The following KLK5 variants were observed in gnomAD, a reference collection of about 807,000 sequenced individuals.
The protein encoded by KLK5 is kallikrein-5.
KLK5 carries 18 observed loss-of-function variants against 24.0 expected under a neutral mutation model. The ratio of observed to expected loss-of-function variants is 0.75; its 90% CI spans 0.52 to 1.11. KLK5 has a LOEUF of 1.11. KLK5 is among the 50% of genes most tolerant of loss of function. The probability of loss-of-function intolerance (pLI) is 0.00; values close to 1 mark genes in which losing one functional copy is unlikely to be tolerated. For synonymous variants in KLK5, 140 were observed against 154.0 expected, an observed-to-expected ratio of 0.91 and a Z score of 0.67; for missense variants, 374 against 379.2, an observed-to-expected ratio of 0.99 and a Z score of 0.11.
chr19:50,945,269 C>T (rs1046047990), intron 5 of KLK5, among the ~76,000 whole-genome samples: 4 of 78,346 alleles, frequency 5.1e-5, no homozygotes, highest in East Asian at 1.1e-3. Context: ...CCACCACACC[C>T]GGCTAATTTT....
intron 2 of KLK5, among the ~76,000 whole-genome samples, chr19:50,951,098 C>T (rs1430231407): frequency 6.6e-6 from 1 of 151,912 alleles, no homozygotes; most frequent in Non-Finnish European, 1.5e-5. Context: ...AAGGGCTCAG[C>T]TTAGGGGGCC....
At position 50,952,479 on chromosome 19, in the gene KLK5, C is replaced by T. The variant is rs2090696005; in HGVS notation, c.73+106G>A. Reference sequence around the variant, plus strand: ...ACAGAGACTCACATTCACCCGGTCCCGGAGTCATGCCCAGGCTCACACAGT... The same window carrying T: ...ACAGAGACTCACATTCACCCGGTCCTGGAGTCATGCCCAGGCTCACACAGT... On this transcript the variant is annotated intron_variant, in intron 2 of 5. Coordinates refer to ENST00000336334, the MANE Select transcript of KLK5 (RefSeq NM_012427.5). 1.1e-5 allele frequency: 8 copies of T among 738,884 alleles called. No homozygotes were observed. The South Asian group carries it at 1.1e-4, about 10-fold the overall frequency. The allele number at this position is 738,884 out of a possible 1,614,324, so 45.8% of individuals were successfully genotyped here. A position where few individuals can be genotyped will look rare whatever the true frequency, so the allele number is the denominator to read the frequency against.
rs1459497122 is a variant in KLK5, at chr19:50,947,339, T to C, written c.726+1301A>G. Among the ~76,000 whole-genome samples the C allele has an allele frequency of 1.3e-5, 2 of 152,182 alleles. No homozygotes were observed. The highest frequency in any genetic ancestry group is 2.9e-5 in the Non-Finnish European group (2 of 68,032). ...TCTTTGAATCAGCCAAATTCCTTAC[T>C]GCCTCAGGGCCTTTGCACGTGCCTT... On this transcript the variant is annotated intron_variant, in intron 5 of 5. Transcript: ENST00000336334. The surrounding 1 kb of genome is among the most constrained non-coding windows in gnomAD (Gnocchi z 8.7).
rs758026818 is a variant in KLK5 at position 50,950,056 on chromosome 19, C to G, written c.134G>C (p.Gly45Ala). The part of the protein sequence containing the change: ...CDHPSNTVPS[G>A]SNQDLGAGAG... The stretch of plus-strand genomic sequence containing the variant: ...CCCAGCTCCCAGGTCCTGGTTGCTC[C>G]CAGAGGGCACGGTGTTAGAGGGGTG... Residue 45 changes from glycine (G) to alanine (A), a missense_variant, in exon 3 of 6, where the codon GGG (glycine) becomes GCG (alanine). By Grantham distance (60) the Gly-to-Ala change is moderately conservative. Transcript: ENST00000336334. 6.2e-7 allele frequency: 1 copy of G among 1,613,720 alleles called. No homozygotes were observed. Among genetic ancestry groups the G allele is most frequent in the Non-Finnish European group, 8.5e-7 (1 of 1,179,928 alleles).
At chr19:50,949,145 C>A (rs754012980) in intron 3 of KLK5, 30 bp from the exon 4 acceptor site, 1 of 1,600,826 alleles carries the variant, frequency 6.2e-7, no homozygotes, top group African/African-American at 1.3e-5. Flanking sequence ...TCACCACCAA[C>A]CCTGATCTCT....
At chr19:50,944,824 A>T (rs935559929) in intron 5 of KLK5, among the ~76,000 whole-genome samples, 3 of 152,054 alleles carry the variant, frequency 2.0e-5, no homozygotes, top group Non-Finnish European at 4.4e-5. Context: ...CCCAATAGAA[A>T]TCCATTCGCT....
rs1224874231 is a variant in KLK5 at position 50,948,748 on chromosome 19, G to A, written c.618C>T (p.Cys206=). ...PQVHFPKVLQ[C]LNISVLSQKR... is the part of the protein sequence containing the mutation. ...TCTGACTTAGCACGCTGATATTCAA[G>A]CACTGGAGGACCTTAGGGAAGTGCA... Residue 206 remains cysteine (C), a synonymous_variant, in exon 5 of 6, where the codon TGC becomes TGT. Transcript: ENST00000336334. 6.2e-7 allele frequency: 1 copy of A among 1,614,132 alleles called. No individual in the cohort carries two copies. The highest frequency in any genetic ancestry group is 1.3e-5 in the African/African-American group (1 of 75,036).
chr19:50,945,889 G>T (rs957277805), intron 5 of KLK5, among the ~76,000 whole-genome samples: 2 of 152,118 alleles, frequency 1.3e-5, no homozygotes, highest in Non-Finnish European at 2.9e-5. Context: ...AAAACAATTA[G>T]TATTTTTATT....
intron 5 of KLK5, among the ~76,000 whole-genome samples, chr19:50,946,300 G>A (rs1356570352): frequency 2.6e-5 from 4 of 152,196 alleles, no homozygotes; most frequent in Non-Finnish European, 4.4e-5. Flanking sequence ...GAGTTAATGA[G>A]CTGAGGCATG....
rs867447165 is a variant in KLK5 at position 50,948,687 on chromosome 19, CATCT to C, written c.675_678del (p.Ile225MetfsTer87). 2 of 1,614,172 alleles carry C rather than the reference CATCT, an allele frequency of 1.2e-6. No homozygotes were observed. The highest frequency in any genetic ancestry group is 1.7e-6 in the Non-Finnish European group (2 of 1,180,048). On this transcript the variant is annotated frameshift_variant, in exon 5 of 6. Transcript: ENST00000336334. LOFTEE classifies it low-confidence loss of function (END_TRUNC). ...TTGTCACCGGCGCAGAACATGGTGT[CATCT>C]ATCTGTCTCGGGTAAGCATCCTCGC... is the stretch of plus-strand genomic sequence containing the variant.
intron 2 of KLK5, among the ~76,000 whole-genome samples, chr19:50,952,176 G>GATGTGT (rs2090692883): frequency 2.0e-5 from 1 of 50,102 alleles, no homozygotes; most frequent in South Asian, 6.8e-4. Flanking sequence ...GGACCTCAGG[G>GATGTGT]ACAGGAACTG....
At chr19:50,946,814 C>T (rs567255689) in intron 5 of KLK5, among the ~76,000 whole-genome samples, 1 of 152,172 alleles carries the variant, frequency 6.6e-6, no homozygotes, top group Non-Finnish European at 1.5e-5. Flanking sequence ...CCGCCTCGGC[C>T]TCCCAAAGTG....
Position 50,948,629 on chromosome 19 carries a change from G to T in KLK5, c.726+11C>A, listed in dbSNP as rs750401549. ...AGTGTGTATCTGCTGAATAAAGAGA[G>T]GTGTCCTCACCTGGCAGGAGTCTCT... On this transcript the variant is annotated intron_variant, in intron 5 of 5. Transcript: ENST00000336334. The T allele has an allele frequency of 6.2e-7, 1 of 1,613,996 alleles. No individual in the cohort carries two copies. Among genetic ancestry groups the T allele is most frequent in the South Asian group, 1.1e-5 (1 of 91,060 alleles).
At chr19:50,949,287 A>G (rs1158426175) in intron 3 of KLK5, among the ~76,000 whole-genome samples, 172 bp from the exon 4 acceptor site, 1 of 141,540 alleles carries the variant, frequency 7.1e-6, no homozygotes, top group Non-Finnish European at 1.5e-5. Flanking sequence ...TCCCAGTCAC[A>G]ATTCCAAACC....
At chr19:50,946,861 G>A (rs1423485393) in intron 5 of KLK5, among the ~76,000 whole-genome samples, 2 of 152,100 alleles carry the variant, frequency 1.3e-5, no homozygotes, top group Non-Finnish European at 2.9e-5. Flanking sequence ...GCCCGGCCGA[G>A]ATGTGCTTTC....
chr19:50,952,526 A>G, intron 2 of KLK5, 59 bp downstream of exon 2: 1 of 1,318,038 alleles, frequency 7.6e-7, no homozygotes, highest in Non-Finnish European at 1.1e-6. Flanking sequence ...CAGGCGCTCT[A>G]GTGCCGCAGA....
Position 50,943,728 on chromosome 19 carries a change from C to A in KLK5, c.785G>T (p.Gly262Val). The change falls in exon 6 of 6, where the codon GGA becomes GTA. Residue 262 changes from glycine to valine, a missense_variant. Physicochemically the swap from Gly to Val is moderately radical, Grantham distance 109. Transcript: ENST00000336334. ...GTTGGGCCGGGCACAAGGGTAATCT[C>A]CCCAGGACACGAGTCCCTGCAGGGA... The part of the protein sequence containing the change: ...NGSLQGLVSW[G>V]DYPCARPNRP... The A allele has an allele frequency of 6.2e-7, 1 of 1,613,880 alleles. No homozygotes were observed.
chr19:50,949,846 C>G lies in KLK5; in HGVS notation c.335+9G>C. Reference sequence around the variant, plus strand: ...CCCCACCAACCCTCCTCTTGGAACTCCCACTCACTTCTTCCTGCAGTGGGC... The same window carrying G: ...CCCCACCAACCCTCCTCTTGGAACTGCCACTCACTTCTTCCTGCAGTGGGC... On this transcript the variant is annotated intron_variant, in intron 3 of 5. Transcript: ENST00000336334. 6.9e-7 allele frequency: 1 copy of G among 1,454,522 alleles called. No homozygotes were observed. Among genetic ancestry groups the G allele is most frequent in the East Asian group, 2.5e-5 (1 of 39,426 alleles). The allele number at this position is 1,454,522 out of a possible 1,614,324, so 90.1% of individuals were successfully genotyped here. A position where few individuals can be genotyped will look rare whatever the true frequency, so the allele number is the denominator to read the frequency against.
Position 50,943,586 on chromosome 19 carries a change from C to G in KLK5, c.*45G>C. The G allele has an allele frequency of 6.3e-7, 1 of 1,575,206 alleles. No homozygotes were observed. The highest frequency in any genetic ancestry group is 8.7e-7 in the Non-Finnish European group (1 of 1,148,976). On this transcript the variant is annotated 3_prime_UTR_variant, in exon 6 of 6. Coordinates refer to ENST00000336334, the MANE Select transcript of KLK5 (RefSeq NM_012427.5). ...GGTCTGAAAGGAGTGTCAGGGCTGT[C>G]CCTGCAGCAGGTGGGGATGCCGGTG...
Sources: gnomAD v4.1 joint callset for allele counts (sites outside exome capture counted in the v4.1 genomes callset) on GRCh38, gnomAD v4.1.1 for gene constraint, Gnocchi (gnomAD v3.1) non-coding constraint, MANE v1.5 for transcripts, NCBI Gene and HGNC (gene_info 2026-07-23, HGNC 2026-07-21) for gene names.